Variants in NINL observed in about 807,000 individuals in gnomAD.
The protein encoded by NINL is ninein-like protein.
A neutral mutation model predicts 160.3 loss-of-function variants in NINL; 153 were observed. That is an observed-to-expected ratio of 0.95 (90% CI 0.84 to 1.09). The LOEUF (loss-of-function observed/expected upper bound fraction) is 1.09, where lower values mean the gene tolerates loss of function less well. Among genes scored for constraint, NINL ranks in the 50% least tolerant of loss-of-function variants. The probability of loss-of-function intolerance (pLI) is 0.00; values close to 1 mark genes in which losing one functional copy is unlikely to be tolerated. For synonymous variants in NINL, 800 were observed against 734.8 expected, an observed-to-expected ratio of 1.09 and a Z score of -1.43; for missense variants, 1,829 against 1,764.0, an observed-to-expected ratio of 1.04 and a Z score of -0.66.
At chr20:25,524,120 G>A (rs1007772246) in intron 2 of NINL, among the ~76,000 whole-genome samples, 2 of 152,136 alleles carry the variant, frequency 1.3e-5, no homozygotes, top group Non-Finnish European at 2.9e-5. Flanking sequence ...TCCACCTATA[G>A]GGGCTGTGGG....
intron 1 of NINL, among the ~76,000 whole-genome samples, chr20:25,538,715 C>G (rs536786888): frequency 2.9e-4 from 44 of 151,926 alleles, no homozygotes; most frequent in African/African-American, 1.0e-3. Context: ...CTCCCCAGAG[C>G]TGGGGAGCAC....
chr20:25,566,704 G>A (rs2065002688), intron 1 of NINL, among the ~76,000 whole-genome samples: 1 of 152,222 alleles, frequency 6.6e-6, no homozygotes, highest in Non-Finnish European at 1.5e-5. Flanking sequence ...CAAGGCAGGA[G>A]GCTTGCTGGA....
intron 1 of NINL, among the ~76,000 whole-genome samples, chr20:25,572,207 T>C (rs2065062363): frequency 1.3e-5 from 2 of 151,918 alleles, no homozygotes; most frequent in African/African-American, 4.8e-5. Flanking sequence ...ATTTTGCCAT[T>C]CTGAGTAGTT....
At chr20:25,562,811 C>T (rs867348961) in intron 1 of NINL, among the ~76,000 whole-genome samples, 86 of 151,696 alleles carry the variant, frequency 5.7e-4, no homozygotes, top group African/African-American at 2.1e-3. Context: ...GTTCTTCAGA[C>T]AGAAGGGAAG....
At chr20:25,495,916 G>A (rs989058249) in intron 10 of NINL, among the ~76,000 whole-genome samples, 9 of 152,202 alleles carry the variant, frequency 5.9e-5, no homozygotes, top group African/African-American at 1.7e-4. Context: ...GGAGGCTGAT[G>A]GGGGTGGATT....
At position 25,476,616 on chromosome 20, in the gene NINL, G is replaced by T. The variant is rs768387918; in HGVS notation, c.2675C>A (p.Ala892Asp). The change falls in exon 17 of 24, where the codon GCC becomes GAC. Residue 892 changes from alanine (A) to aspartate (D), a missense_variant. Transcript: ENST00000278886. ...AQDTEATQSP[A>D]PAPAPASHGP... is the part of the protein sequence containing the mutation. The stretch of plus-strand genomic sequence containing the variant: ...GTGGGATGCCGGGGCAGGGGCGGGG[G>T]CCGGGCTCTGCGTAGCTTCTGTGTC... 1.1e-5 allele frequency: 18 copies of T among 1,593,032 alleles called. No individual in the cohort carries two copies. The Admixed American group carries it at 2.2e-4, about 19-fold the overall frequency.
intron 1 of NINL, among the ~76,000 whole-genome samples, chr20:25,539,522 C>A (rs918082027): frequency 6.6e-6 from 1 of 152,216 alleles, no homozygotes; most frequent in African/African-American, 2.4e-5. Flanking sequence ...ACGGAGACTG[C>A]TGCTTACTCA....
intron 4 of NINL, among the ~76,000 whole-genome samples, chr20:25,510,955 G>C (rs2064058956): frequency 6.6e-6 from 1 of 152,202 alleles, no homozygotes; most frequent in South Asian, 2.1e-4. Context: ...AAGGGGCTGG[G>C]CCGGGGAGAC....
intron 1 of NINL, among the ~76,000 whole-genome samples, chr20:25,540,952 A>T (rs1249493383): frequency 6.6e-6 from 1 of 151,726 alleles, no homozygotes; most frequent in African/African-American, 2.4e-5. Flanking sequence ...TTTTTATCAA[A>T]TAAGGTTTAA....
At chr20:25,500,081 G>C (rs2063838586) in intron 8 of NINL, among the ~76,000 whole-genome samples, 1 of 152,126 alleles carries the variant, frequency 6.6e-6, no homozygotes, top group African/African-American at 2.4e-5. Context: ...GAGGGGGGCA[G>C]GTAGGCTTTC....
intron 1 of NINL, among the ~76,000 whole-genome samples, chr20:25,547,020 C>T (rs2147078564): frequency 6.6e-6 from 1 of 152,314 alleles, no homozygotes; most frequent in South Asian, 2.1e-4. Context: ...ACCAGGGCCA[C>T]CCTTATGGCC....
At position 25,496,565 on chromosome 20, in the gene NINL, C is replaced by A. The variant is rs2063756974; in HGVS notation, c.1310+98G>T. 1.4e-5 allele frequency: 20 copies of A among 1,461,426 alleles called. No homozygotes were observed. In the South Asian group the frequency reaches 2.3e-4, roughly 17 times the overall value. 90.5% of individuals were successfully genotyped at this position (1,461,426 alleles called of 1,614,324 possible). On this transcript the variant is annotated intron_variant, in intron 10 of 23. Coordinates refer to ENST00000278886, the MANE Select transcript of NINL (RefSeq NM_025176.6). ...TAGGGGGGTCTCCACTGAGCCACAC[C>A]CGCAGCTCTGGCCCCTGGCAGCCCT... is the stretch of plus-strand genomic sequence containing the variant.
At chr20:25,524,852 A>G (rs2064327668) in intron 2 of NINL, among the ~76,000 whole-genome samples, 1 of 151,386 alleles carries the variant, frequency 6.6e-6, no homozygotes. Context: ...TTGATTTCTA[A>G]ATTCTTGATT....
At chr20:25,555,834 T>G (rs939451737) in intron 1 of NINL, among the ~76,000 whole-genome samples, 1 of 152,116 alleles carries the variant, frequency 6.6e-6, no homozygotes, top group Non-Finnish European at 1.5e-5. Context: ...ACCACCACGC[T>G]TGGGTAATTT....
chr20:25,504,869 G>A lies in NINL; in HGVS notation c.708+19C>T. On this transcript the variant is annotated intron_variant, in intron 6 of 23. Transcript: ENST00000278886. ...CATGGCCAGGAATATGTGGCTGGGT[G>A]GCCTGCTGTGCCCCTCACCTCTTTC... 1 of 1,608,344 alleles carries A rather than the reference G, an allele frequency of 6.2e-7. No homozygotes were observed. The highest frequency in any genetic ancestry group is 8.5e-7 in the Non-Finnish European group (1 of 1,179,554).
chr20:25,513,873 G>A (rs1238808573), intron 3 of NINL, among the ~76,000 whole-genome samples: 2 of 152,198 alleles, frequency 1.3e-5, no homozygotes, highest in Non-Finnish European at 2.9e-5. Context: ...TACAGTCTGA[G>A]GAACTGTGAG....
In NINL at chr20:25,553,104, G is replaced by GTT. The variant is rs3036846; in HGVS notation, c.-11-26508_-11-26507dup. 1.1e-3 allele frequency among the ~76,000 whole-genome samples: 109 copies of GTT among 100,120 alleles called. 3 individuals are homozygous for GTT. The highest frequency in any genetic ancestry group is 4.0e-3 in the African/African-American group (103 of 25,816). 65.7% of individuals were successfully genotyped at this position (100,120 alleles called of 152,430 possible). ...GGAAGTTACTTCTCACCCTTGTTGG[G>GTT]TTTTTTTTTTTTTTTTTGGAGATGG... On this transcript the variant is annotated intron_variant, in intron 1 of 23. Coordinates refer to ENST00000278886, the MANE Select transcript of NINL (RefSeq NM_025176.6).
intron 1 of NINL, among the ~76,000 whole-genome samples, chr20:25,548,610 C>A (rs2064763719): frequency 6.6e-6 from 1 of 151,392 alleles, no homozygotes; most frequent in African/African-American, 2.4e-5. Context: ...CAGGCCTGAC[C>A]CCGAGCACCT....
chr20:25,483,335 C>CAAAAA (rs11477331), intron 13 of NINL, among the ~76,000 whole-genome samples: 3 of 140,662 alleles, frequency 2.1e-5, no homozygotes, highest in Non-Finnish European at 3.1e-5. Context: ...TCTGTCTCAA[C>CAAAAA]AAAAAAAAAA....
Sources: allele counts gnomAD v4.1 joint callset (sites outside exome capture counted in the v4.1 genomes callset), GRCh38; gene constraint gnomAD v4.1.1; transcripts MANE v1.5; gene names NCBI Gene and HGNC (gene_info 2026-07-23, HGNC 2026-07-21).